Variants in RBFOX1 observed in about 807,000 individuals in gnomAD.
The protein encoded by RBFOX1 is RNA binding fox-1 homolog 1, also known as RNA binding protein fox-1 homolog 1.
RBFOX1 carries 8 observed loss-of-function variants against 57.7 expected under a neutral mutation model. That is an observed-to-expected ratio of 0.14 (90% CI 0.08 to 0.25). The LOEUF (loss-of-function observed/expected upper bound fraction) is 0.25, where lower values mean the gene tolerates loss of function less well. Ranked by LOEUF, RBFOX1 falls within the 10% of genes least tolerant of loss-of-function variation. The pLI is 1.00. For synonymous variants in RBFOX1, 326 were observed against 222.4 expected, an observed-to-expected ratio of 1.47 and a Z score of -4.15; for missense variants, 611 against 548.5, an observed-to-expected ratio of 1.11 and a Z score of -1.14.
intron 3 of RBFOX1, among the ~76,000 whole-genome samples, chr16:5,775,997 C>G (rs779886906): frequency 6.6e-6 from 1 of 152,102 alleles, no homozygotes; most frequent in African/African-American, 2.4e-5. Flanking sequence ...CATCACCTGG[C>G]CCAGGCTGCA....
chr16:5,695,028 G>A (rs1157060885), intron 3 of RBFOX1, among the ~76,000 whole-genome samples: 1 of 151,822 alleles, frequency 6.6e-6, no homozygotes, highest in Admixed American at 6.6e-5. Flanking sequence ...AAAACCATGC[G>A]ACTTGAGATT....
intron 4 of RBFOX1, among the ~76,000 whole-genome samples, chr16:7,186,991 C>CCACACACA (rs1174221075): frequency 4.0e-5 from 4 of 100,046 alleles, no homozygotes; most frequent in African/African-American, 1.6e-4. Context: ...AACCCCACCT[C>CCACACACA]CACAAAAAAA....
intron 3 of RBFOX1, among the ~76,000 whole-genome samples, chr16:6,981,374 C>T (rs1366428714): frequency 6.6e-6 from 1 of 152,050 alleles, no homozygotes; most frequent in Non-Finnish European, 1.5e-5. Flanking sequence ...TGTTAATTTG[C>T]TAAGGATAAT....
chr16:6,195,629 G>T (rs1157351785), intron 1 of RBFOX1, among the ~76,000 whole-genome samples: 1 of 151,904 alleles, frequency 6.6e-6, no homozygotes, highest in Non-Finnish European at 1.5e-5. Flanking sequence ...TGAGGCAGGA[G>T]AATCACTTGA....
At chr16:6,573,089 C>T (rs186880379) in intron 2 of RBFOX1, among the ~76,000 whole-genome samples, 1 of 152,238 alleles carries the variant, frequency 6.6e-6, no homozygotes, top group Non-Finnish European at 1.5e-5. Flanking sequence ...TTGATCTGCT[C>T]CCTCAGACCC....
At chr16:5,535,179 C>G (rs2044646786) in intron 2 of RBFOX1, among the ~76,000 whole-genome samples, 2 of 152,180 alleles carry the variant, frequency 1.3e-5, no homozygotes, top group Non-Finnish European at 2.9e-5. Context: ...ACATCTAGTT[C>G]TTTAGTCACA....
At position 6,026,726 on chromosome 16, in the gene RBFOX1, T is replaced by G. The variant is rs1456955528; in HGVS notation, c.-127+6734T>G. ...GATTTCTGCACTGGTGCAATCTGGC[T>G]CTTGTTTTGTTGTTTGTCTCCTTGG... On this transcript the variant is annotated intron_variant, in intron 1 of 15. Coordinates refer to ENST00000550418, the MANE Select transcript of RBFOX1 (RefSeq NM_018723.4). Among the ~76,000 whole-genome samples, 3 of 152,230 alleles carry G rather than the reference T, an allele frequency of 2.0e-5. No individual in the cohort carries two copies. The East Asian group carries it at 5.8e-4, about 29-fold the overall frequency.
At chr16:7,304,325 G>A in intron 4 of RBFOX1, 1 of 985,296 alleles carries the variant, frequency 1.0e-6, no homozygotes, top group East Asian at 1.1e-4. Context: ...CGCCCAGGCA[G>A]AGAGCAACGT....
chr16:6,849,553 C>G (rs988252239), intron 3 of RBFOX1, among the ~76,000 whole-genome samples: 2 of 152,134 alleles, frequency 1.3e-5, no homozygotes, highest in Admixed American at 1.3e-4. Flanking sequence ...CCTGTAGTCC[C>G]AGCTACTCCA....
chr16:6,910,235 A>C (rs2071207045), intron 3 of RBFOX1, among the ~76,000 whole-genome samples: 1 of 152,106 alleles, frequency 6.6e-6, no homozygotes, highest in Non-Finnish European at 1.5e-5. Flanking sequence ...TGAGATGATT[A>C]CTTCACATTT....
At chr16:7,707,849 T>A (rs1245009131) in intron 14 of RBFOX1, among the ~76,000 whole-genome samples, 3 of 152,138 alleles carry the variant, frequency 2.0e-5, no homozygotes, top group Non-Finnish European at 2.9e-5. Flanking sequence ...TACTTGCCCC[T>A]CTCTTCCTCT....
At chr16:5,869,466 A>G (rs991246940) in intron 4 of RBFOX1, among the ~76,000 whole-genome samples, 16 of 152,186 alleles carry the variant, frequency 1.1e-4, no homozygotes, top group African/African-American at 3.6e-4. Context: ...CAGTGGCACA[A>G]TCTCGGCTCA....
chr16:5,924,999 A>G (rs1220614292), intron 4 of RBFOX1, among the ~76,000 whole-genome samples: 14 of 152,126 alleles, frequency 9.2e-5, no homozygotes, highest in Non-Finnish European at 5.9e-5. Flanking sequence ...TTTTTTAGTT[A>G]GAAATTGAGG....
chr16:6,425,271 A>C (rs1174229308), intron 2 of RBFOX1, among the ~76,000 whole-genome samples: 1 of 152,168 alleles, frequency 6.6e-6, no homozygotes, highest in East Asian at 1.9e-4. Flanking sequence ...AAGTTTGGGG[A>C]GGGTAACATT....
intron 4 of RBFOX1, among the ~76,000 whole-genome samples, chr16:7,475,063 G>C (rs2062363815): frequency 6.6e-6 from 1 of 152,168 alleles, no homozygotes; most frequent in Admixed American, 6.5e-5. Flanking sequence ...AAATCAGAGA[G>C]TCTTTGAGAG....
At chr16:5,603,476 T>C (rs1403519013), downstream of RBFOX1, among the ~76,000 whole-genome samples, 5 of 152,182 alleles carry the variant, frequency 3.3e-5, no homozygotes, top group African/African-American at 4.8e-5. Flanking sequence ...CAGGTTCTTT[T>C]TGGTGATGCA....
chr16:6,791,577 G>T (rs571795722), intron 3 of RBFOX1, among the ~76,000 whole-genome samples: 21 of 152,278 alleles, frequency 1.4e-4, no homozygotes, highest in African/African-American at 4.8e-4. Flanking sequence ...TGGCCAACAT[G>T]GTGAAACCCC....
intron 4 of RBFOX1, among the ~76,000 whole-genome samples, chr16:5,987,704 G>A (rs879498562): frequency 5.3e-5 from 8 of 152,040 alleles, no homozygotes; most frequent in Non-Finnish European, 1.0e-4. Context: ...ACATAGCAAG[G>A]CCCCATCTCC....
intron 5 of RBFOX1, among the ~76,000 whole-genome samples, chr16:7,549,038 A>G (rs922552264): frequency 6.6e-6 from 1 of 152,244 alleles, no homozygotes; most frequent in Non-Finnish European, 1.5e-5. Flanking sequence ...AGAGAAACAG[A>G]GAAGAGGGTG....
Sources: allele counts gnomAD v4.1 joint callset (sites outside exome capture counted in the v4.1 genomes callset), GRCh38; gene constraint gnomAD v4.1.1; transcripts MANE v1.5; gene names NCBI Gene and HGNC (gene_info 2026-07-23, HGNC 2026-07-21).